ADGRB1: variants seen among roughly 807,000 people sequenced by gnomAD.
The protein encoded by ADGRB1 is adhesion G protein-coupled receptor B1.
ADGRB1 carries 36 observed loss-of-function variants against 175.7 expected under a neutral mutation model. The ratio of observed to expected loss-of-function variants is 0.20; its 90% CI spans 0.16 to 0.27. ADGRB1 has a LOEUF of 0.27. Among genes scored for constraint, ADGRB1 ranks in the 10% least tolerant of loss-of-function variants. The probability of loss-of-function intolerance (pLI) is 1.00; values close to 1 mark genes in which losing one functional copy is unlikely to be tolerated. For synonymous variants in ADGRB1, 1,054 were observed against 979.4 expected (o/e 1.08, Z -1.42); for missense variants, 1,731 against 2,255.3 (o/e 0.77, Z 4.71).
intron 30 of ADGRB1, 135 bp from the exon 31 acceptor site, chr8:142,544,085 T>TCCTGTCCCCTGTCC (rs370788347): frequency 1.1e-6 from 1 of 934,282 alleles, no homozygotes; most frequent in African/African-American, 1.7e-5. Flanking sequence ...GAAAGCCTCA[T>TCCTGTCCCCTGTCC]CCTGTCCCCT....
At chr8:142,517,000 G>T (rs1225175452) in intron 18 of ADGRB1, among the ~76,000 whole-genome samples, 1 of 152,194 alleles carries the variant, frequency 6.6e-6, no homozygotes, top group Non-Finnish European at 1.5e-5. Context: ...GAATGGCAGG[G>T]TCTGTGGCCG....
intron 25 of ADGRB1, among the ~76,000 whole-genome samples, chr8:142,535,399 C>T (rs1024125611): frequency 6.6e-6 from 1 of 152,174 alleles, no homozygotes; most frequent in South Asian, 2.1e-4. Context: ...GCCAGACTTC[C>T]CCGAAGCCCC....
intron 26 of ADGRB1, 120 bp from the exon 27 acceptor site, chr8:142,539,254 A>G (rs1587445776): frequency 2.2e-5 from 23 of 1,024,402 alleles, no homozygotes; most frequent in Non-Finnish European, 3.2e-5. Flanking sequence ...GGCTGTGGAC[A>G]TGGACAGGGG....
intron 15 of ADGRB1, 113 bp downstream of exon 15, chr8:142,489,223 G>A: frequency 6.5e-7 from 1 of 1,541,296 alleles, no homozygotes; most frequent in African/African-American, 1.4e-5. Flanking sequence ...TGTGGATGAT[G>A]GGCTGTGGAG....
chr8:142,464,817 G>C lies in ADGRB1; in HGVS notation c.619G>C (p.Gly207Arg). The change falls in exon 2 of 31, where the codon GGG becomes CGG. Residue 207 changes from glycine to arginine, a missense_variant. Gly to Arg is a moderately radical substitution (Grantham distance 125). Transcript: ENST00000517894. ...LAGSRSSHPC[G>R]IMQTPCACLG... ...CGGTAGTCGCAGCTCGCACCCCTGCGGGATCATGCAGACCCCCTGCGCCTG... is the reference window on the plus strand; with the variant it reads ...CGGTAGTCGCAGCTCGCACCCCTGCCGGATCATGCAGACCCCCTGCGCCTG... 6.5e-7 allele frequency: 1 copy of C among 1,534,456 alleles called. No homozygotes were observed. Among genetic ancestry groups the C allele is most frequent in the Non-Finnish European group, 8.7e-7 (1 of 1,145,402 alleles).
At chr8:142,463,110 C>A (rs1283351106) in intron 1 of ADGRB1, among the ~76,000 whole-genome samples, 1 of 152,206 alleles carries the variant, frequency 6.6e-6, no homozygotes, top group Admixed American at 6.5e-5. Context: ...GTTTTCCCAT[C>A]ATGAATGATA....
In ADGRB1 at chr8:142,522,033, C is replaced by T. The variant is rs61756329; in HGVS notation, c.3093C>T (p.Thr1031=). The T allele has an allele frequency of 2.9e-5, 47 of 1,612,574 alleles. No homozygotes were observed. Among genetic ancestry groups the T allele is most frequent in the Middle Eastern group, 3.3e-4 (2 of 6,042 alleles). Reference sequence around the variant, plus strand: ...TGTCCTCCTTCTGCTGGGTGCTCACCGAGGCCTGGCAGTCCTACATGGCGG... The same window carrying T: ...TGTCCTCCTTCTGCTGGGTGCTCACTGAGGCCTGGCAGTCCTACATGGCGG... The part of the protein sequence containing the change: ...FFLSSFCWVL[T]EAWQSYMAVT... Residue 1031 remains threonine, a synonymous_variant, in exon 21 of 31, where the codon ACC becomes ACT. Transcript: ENST00000517894.
rs1845133788 is a variant in ADGRB1 at position 142,539,431 on chromosome 8, G to A, written c.3706+18G>A. 3 of 1,600,628 alleles carry A rather than the reference G, an allele frequency of 1.9e-6. No homozygotes were observed. The highest frequency in any genetic ancestry group is 1.7e-5 in the Admixed American group (1 of 58,344). On this transcript the variant is annotated intron_variant, in intron 27 of 30. Transcript: ENST00000517894. ...TAGATCAGGTGAGCGCCCGACAGGT[G>A]AGAGGACAGTGCCAGCCCGGCCCCC...
chr8:142,533,722 G>A (rs952844944), intron 25 of ADGRB1, among the ~76,000 whole-genome samples: 12 of 152,208 alleles, frequency 7.9e-5, no homozygotes, highest in Admixed American at 2.6e-4. Context: ...GCTTGGGGGC[G>A]TGGGGGACGA....
At chr8:142,524,171 G>A in intron 22 of ADGRB1, 67 bp from the exon 23 acceptor site, 1 of 1,524,880 alleles carries the variant, frequency 6.6e-7, no homozygotes, top group Non-Finnish European at 8.8e-7. Flanking sequence ...ACTCCTGAGA[G>A]GCCGGCAGCA....
At chr8:142,530,145 G>A (rs1048148640) in intron 24 of ADGRB1, among the ~76,000 whole-genome samples, 5 of 152,054 alleles carry the variant, frequency 3.3e-5, no homozygotes, top group Admixed American at 2.6e-4. Flanking sequence ...GTATATAATT[G>A]GGCATGTGCC....
intron 1 of ADGRB1, among the ~76,000 whole-genome samples, chr8:142,461,625 C>A (rs1197971967): frequency 6.6e-6 from 1 of 152,232 alleles, no homozygotes; most frequent in Non-Finnish European, 1.5e-5. Flanking sequence ...CCCCTAGAAC[C>A]TGCCCCGCCC....
At chr8:142,476,809 A>G in intron 4 of ADGRB1, 114 bp downstream of exon 4, 1 of 1,122,794 alleles carries the variant, frequency 8.9e-7, no homozygotes, top group Non-Finnish European at 1.2e-6. Flanking sequence ...ACTAGACTAA[A>G]CCCTTAGGTG....
chr8:142,501,473 G>A (rs1394143603), intron 17 of ADGRB1, among the ~76,000 whole-genome samples: 5 of 107,650 alleles, frequency 4.6e-5, no homozygotes, highest in African/African-American at 1.7e-4. Flanking sequence ...TGGGGTGGTG[G>A]TGGTGATGAT....
At chr8:142,487,751 T>C (rs1226301626) in intron 13 of ADGRB1, among the ~76,000 whole-genome samples, 1 of 152,146 alleles carries the variant, frequency 6.6e-6, no homozygotes, top group East Asian at 1.9e-4. Context: ...TGCTGCCTCA[T>C]CCCCATGCCC....
At chr8:142,490,483 G>A (rs28661915) in intron 16 of ADGRB1, among the ~76,000 whole-genome samples, 32,176 of 152,182 alleles carry the variant, frequency 0.21, 3,659 homozygotes, top group Admixed American at 0.29. Flanking sequence ...TACCAGAGAC[G>A]GACTTCAGCC....
rs114452504 is a variant in ADGRB1 at position 142,462,909 on chromosome 8, G to C, written c.-219-1071G>C. On this transcript the variant is annotated intron_variant, in intron 1 of 30. Transcript: ENST00000517894. ...TGCCCGCTGGGCCCAGGGCAGCCCC[G>C]GATCCAGGGCCTTCACTGTACCTCT... is the stretch of plus-strand genomic sequence containing the variant. Among the ~76,000 whole-genome samples, 1,193 of 152,298 alleles carry C rather than the reference G, an allele frequency of 7.8e-3. 15 individuals are homozygous for C. The highest frequency in any genetic ancestry group is 0.027 in the African/African-American group (1,134 of 41,568).
At chr8:142,461,649 G>C (rs1270308996) in intron 1 of ADGRB1, among the ~76,000 whole-genome samples, 1 of 152,232 alleles carries the variant, frequency 6.6e-6, no homozygotes, top group Non-Finnish European at 1.5e-5. Flanking sequence ...GAATGCTATG[G>C]GGTGGAGCTG....
At chr8:142,523,756 G>C (rs1308590643) in intron 22 of ADGRB1, among the ~76,000 whole-genome samples, 4 of 141,770 alleles carry the variant, frequency 2.8e-5, no homozygotes, top group African/African-American at 1.0e-4. Context: ...GAGATCTGGA[G>C]AATGTGGGGC....
Sources: allele counts gnomAD v4.1 joint callset (sites outside exome capture counted in the v4.1 genomes callset), GRCh38; gene constraint gnomAD v4.1.1; transcripts MANE v1.5; gene names NCBI Gene and HGNC (gene_info 2026-07-23, HGNC 2026-07-21).